Variants in DMD observed in about 807,000 individuals in gnomAD.
The protein encoded by DMD is dystrophin.
In DMD, 63 loss-of-function variants were observed where a neutral mutation model predicts 330.1. That is an observed-to-expected ratio of 0.19 (90% CI 0.16 to 0.24). DMD has a LOEUF of 0.24. Ranked by LOEUF, DMD falls within the 10% of genes least tolerant of loss-of-function variation. The probability of loss-of-function intolerance (pLI) is 1.00; values close to 1 mark genes in which losing one functional copy is unlikely to be tolerated. For missense variants in DMD, 3,344 were observed against 2,684.1 expected (o/e 1.25, Z -5.43); for synonymous variants, 1,223 against 959.8 (o/e 1.27, Z -5.07).
At chrX:31,556,052 T>C (rs1422137668) in intron 55 of DMD, among the ~76,000 whole-genome samples, 1 of 110,548 alleles carries the variant, frequency 9.0e-6, no homozygotes, top group Non-Finnish European at 1.9e-5. Flanking sequence ...AAAAGATTTA[T>C]GATAGGTGAA....
chrX:32,814,235 T>G (rs1209716851), intron 6 of DMD, among the ~76,000 whole-genome samples: 2 of 112,457 alleles, frequency 1.8e-5, no homozygotes, highest in African/African-American at 3.2e-5. Flanking sequence ...TTTATCTGCA[T>G]CTTTTGTACA....
At chrX:32,446,855 G>A (rs1395528393) in intron 27 of DMD, among the ~76,000 whole-genome samples, 5 of 109,612 alleles carry the variant, frequency 4.6e-5, no homozygotes, top group Admixed American at 3.9e-4. Flanking sequence ...CAGTGAAAAA[G>A]GACTAAAATG....
chrX:31,994,801 T>G (rs1490986972), intron 44 of DMD, among the ~76,000 whole-genome samples: 1 of 112,073 alleles, frequency 8.9e-6, no homozygotes, highest in Non-Finnish European at 1.9e-5. Flanking sequence ...TAATCGCACA[T>G]ATATAGGGAA....
intron 41 of DMD, among the ~76,000 whole-genome samples, chrX:32,323,958 T>C (rs1328807661): frequency 9.0e-6 from 1 of 111,036 alleles, no homozygotes. Context: ...TAAGAATATG[T>C]GATTTTTTTT....
chrX:31,541,446 G>C (rs997576278), intron 55 of DMD, among the ~76,000 whole-genome samples: 1 of 107,852 alleles, frequency 9.3e-6, no homozygotes, highest in African/African-American at 3.4e-5. Flanking sequence ...CCATTAACTC[G>C]TCATTTACAT....
intron 13 of DMD, among the ~76,000 whole-genome samples, chrX:32,578,605 G>A (rs909571128): frequency 3.6e-5 from 4 of 111,756 alleles, no homozygotes; most frequent in Non-Finnish European, 7.5e-5. Context: ...GTGAAAAATG[G>A]CTACTAAAAG....
intron 43 of DMD, among the ~76,000 whole-genome samples, chrX:32,220,297 T>A (rs1234861417): frequency 8.9e-6 from 1 of 112,240 alleles, no homozygotes; most frequent in Non-Finnish European, 1.9e-5. Context: ...ACTTTATAAA[T>A]ATATAAATAT....
Position 32,140,027 on chromosome X carries a change from T to C in DMD, c.6438+76889A>G, listed in dbSNP as rs1224589364. Reference sequence around the variant, plus strand: ...TGTGAATGACTTTTCTCTGTGCAAGTGAATAATATACTAAAATTACTTGTT... The same window carrying C: ...TGTGAATGACTTTTCTCTGTGCAAGCGAATAATATACTAAAATTACTTGTT... On this transcript the variant is annotated intron_variant, in intron 44 of 78. Transcript: ENST00000357033. 4.4e-5 allele frequency among the ~76,000 whole-genome samples: 5 copies of C among 112,405 alleles called. No individual in the cohort carries two copies. In the Admixed American group the frequency reaches 4.7e-4, roughly 11 times the overall value.
intron 76 of DMD, among the ~76,000 whole-genome samples, chrX:31,144,663 G>A (rs2036478941): frequency 9.4e-6 from 1 of 106,002 alleles, no homozygotes; most frequent in South Asian, 4.6e-4. Flanking sequence ...GTAAGTGTAT[G>A]GAATCAAGGA....
chrX:33,089,671 G>A (rs1288098893), intron 1 of DMD, among the ~76,000 whole-genome samples: 1 of 111,936 alleles, frequency 8.9e-6, no homozygotes, highest in Non-Finnish European at 1.9e-5. Context: ...AGGGGTATTT[G>A]ATGAGGAGCC....
intron 52 of DMD, among the ~76,000 whole-genome samples, chrX:31,709,295 G>A (rs1451643026): frequency 9.0e-6 from 1 of 111,084 alleles, no homozygotes; most frequent in Non-Finnish European, 1.9e-5. Context: ...TCAATCAATC[G>A]AGTCAAATCA....
At chrX:32,479,758 T>C (rs2148538060) in intron 21 of DMD, among the ~76,000 whole-genome samples, 1 of 110,273 alleles carries the variant, frequency 9.1e-6, no homozygotes, top group South Asian at 3.8e-4. Flanking sequence ...TCACTATATA[T>C]ATCTACCACT....
Position 32,247,432 on chromosome X carries a change from G to A in DMD, c.6291-30369C>T, listed in dbSNP as rs181494078. On this transcript the variant is annotated intron_variant, in intron 43 of 78. Coordinates refer to ENST00000357033, the MANE Select transcript of DMD (RefSeq NM_004006.3). ...TTTAAATATTGAGCCAGATATGATG[G>A]TAGTTGCTGCAGATGTGAAAAACCT... 3.6e-5 allele frequency among the ~76,000 whole-genome samples: 4 copies of A among 111,788 alleles called. No individual in the cohort carries two copies. In the East Asian group the frequency reaches 1.1e-3, roughly 31 times the overall value.
intron 27 of DMD, among the ~76,000 whole-genome samples, chrX:32,445,962 G>A (rs2098302324): frequency 9.0e-6 from 1 of 110,949 alleles, no homozygotes; most frequent in African/African-American, 3.3e-5. Flanking sequence ...CAGCTGAAGC[G>A]AGAATTTGAG....
chrX:32,076,370 T>G (rs1355883775), intron 44 of DMD, among the ~76,000 whole-genome samples: 1 of 98,390 alleles, frequency 1.0e-5, no homozygotes, highest in African/African-American at 4.2e-5. Flanking sequence ...AAGACTTCTT[T>G]TTTTCTTTCT....
intron 39 of DMD, among the ~76,000 whole-genome samples, chrX:32,344,799 G>A (rs992862290): frequency 5.9e-4 from 66 of 111,903 alleles, no homozygotes; most frequent in African/African-American, 2.0e-3. Flanking sequence ...CATACGACCA[G>A]TGTAGATACT....
intron 6 of DMD, among the ~76,000 whole-genome samples, chrX:32,815,951 T>A (rs2077726642): frequency 9.0e-6 from 1 of 111,504 alleles, no homozygotes; most frequent in South Asian, 3.7e-4. Flanking sequence ...GACCCTGAAC[T>A]AGAACAAAGT....
intron 43 of DMD, among the ~76,000 whole-genome samples, chrX:32,277,535 A>G (rs186121073): frequency 1.8e-3 from 198 of 111,769 alleles, no homozygotes; most frequent in African/African-American, 6.2e-3. Flanking sequence ...TTCTCAGCAC[A>G]CAGATTATTA....
intron 6 of DMD, among the ~76,000 whole-genome samples, chrX:32,812,752 A>T (rs1167617225): frequency 8.9e-6 from 1 of 112,165 alleles, no homozygotes; most frequent in Non-Finnish European, 1.9e-5. Flanking sequence ...ATTTTCCAAT[A>T]CCCCTAACAG....
Sources: gnomAD v4.1 joint callset for allele counts (sites outside exome capture counted in the v4.1 genomes callset) on GRCh38, gnomAD v4.1.1 for gene constraint, MANE v1.5 for transcripts, NCBI Gene and HGNC (gene_info 2026-07-23, HGNC 2026-07-21) for gene names.